The following MAGI2 variants were observed in gnomAD, a reference collection of about 807,000 sequenced individuals.
MAGI2 encodes the protein membrane-associated guanylate kinase, WW and PDZ domain-containing protein 2.
A neutral mutation model predicts 133.3 loss-of-function variants in MAGI2; 35 were observed. The observed-to-expected ratio is 0.26, with a 90% CI of 0.20 to 0.35. The LOEUF (loss-of-function observed/expected upper bound fraction) is 0.35, where lower values mean the gene tolerates loss of function less well. Ranked by LOEUF, MAGI2 falls within the 10% of genes least tolerant of loss-of-function variation. The probability of loss-of-function intolerance (pLI) is 1.00; values close to 1 mark genes in which losing one functional copy is unlikely to be tolerated. For missense variants in MAGI2, 1,636 were observed against 1,863.4 expected (o/e 0.88, Z 2.25); for synonymous variants, 729 against 710.6 (o/e 1.03, Z -0.41).
chr7:79,210,960 T>C (rs528044802), intron 1 of MAGI2, among the ~76,000 whole-genome samples: 1 of 152,118 alleles, frequency 6.6e-6, no homozygotes, highest in East Asian at 1.9e-4. Context: ...TAAGTAACCA[T>C]AAAAATGTTC....
chr7:78,813,102 G>A (rs1402674696), intron 2 of MAGI2, among the ~76,000 whole-genome samples: 3 of 152,106 alleles, frequency 2.0e-5, no homozygotes, highest in African/African-American at 7.2e-5. Flanking sequence ...GTCCCAGATG[G>A]TTTCACGGGC....
intron 6 of MAGI2, among the ~76,000 whole-genome samples, chr7:78,399,425 A>C (rs1006569439): frequency 2.0e-5 from 3 of 152,246 alleles, no homozygotes; most frequent in Non-Finnish European, 2.9e-5. Context: ...GTAGGATTTC[A>C]TCTATAGAAT....
intron 1 of MAGI2, among the ~76,000 whole-genome samples, chr7:79,342,648 C>A (rs1174974149): frequency 6.6e-6 from 1 of 152,082 alleles, no homozygotes; most frequent in Non-Finnish European, 1.5e-5. Context: ...TATTATTTTG[C>A]TTTTCTTAGG....
intron 20 of MAGI2, among the ~76,000 whole-genome samples, chr7:78,114,129 CTAGCTCGT>C (rs1212679243): frequency 2.6e-5 from 4 of 152,204 alleles, no homozygotes; most frequent in Non-Finnish European, 5.9e-5. Context: ...GCTCTTTTTA[CTAGCTCGT>C]TATTTCCTTA....
intron 2 of MAGI2, among the ~76,000 whole-genome samples, chr7:78,879,774 C>T (rs549169625): frequency 6.6e-6 from 1 of 151,824 alleles, no homozygotes; most frequent in African/African-American, 2.4e-5. Context: ...GAATTCAAAG[C>T]ATGTATTGCA....
chr7:78,265,497 A>T (rs1456827799), intron 9 of MAGI2, among the ~76,000 whole-genome samples: 1 of 152,238 alleles, frequency 6.6e-6, no homozygotes, highest in Non-Finnish European at 1.5e-5. Context: ...CAAACATTTT[A>T]TCAGAGGGGT....
intron 2 of MAGI2, among the ~76,000 whole-genome samples, chr7:78,654,891 T>A (rs944694596): frequency 6.6e-6 from 1 of 151,692 alleles, no homozygotes; most frequent in Non-Finnish European, 1.5e-5. Flanking sequence ...AGTGTGCTGA[T>A]TTCAATGTAA....
intron 1 of MAGI2, among the ~76,000 whole-genome samples, chr7:79,125,972 G>A (rs552600178): frequency 6.0e-4 from 91 of 152,318 alleles, no homozygotes; most frequent in Admixed American, 2.9e-3. Context: ...ACTCATATGC[G>A]TAGGCAAAAA....
chr7:78,619,005 T>TAAAA (rs58783152), intron 3 of MAGI2: 2 of 50,422 alleles, frequency 4.0e-5, no homozygotes, highest in South Asian at 1.1e-3. Flanking sequence ...CCAAAATCGC[T>TAAAA]AAAAAAAAAA....
intron 3 of MAGI2, among the ~76,000 whole-genome samples, 175 bp downstream of exon 3, chr7:78,626,945 A>C (rs1808428345): frequency 6.6e-6 from 1 of 151,708 alleles, no homozygotes; most frequent in South Asian, 2.1e-4. Flanking sequence ...GGCATATTAA[A>C]AGTACACTTA....
chr7:78,748,723 G>T (rs1423044530), intron 2 of MAGI2, among the ~76,000 whole-genome samples: 1 of 151,794 alleles, frequency 6.6e-6, no homozygotes, highest in Non-Finnish European at 1.5e-5. Context: ...GACATAGTCT[G>T]GGTTCTGAAT....
At chr7:79,362,864 A>C (rs946212323) in intron 1 of MAGI2, among the ~76,000 whole-genome samples, 1 of 151,928 alleles carries the variant, frequency 6.6e-6, no homozygotes, top group African/African-American at 2.4e-5. Context: ...TGAAAGACTG[A>C]ATGTTTTCTC....
chr7:78,041,979 C>T (rs1030589445), intron 21 of MAGI2, among the ~76,000 whole-genome samples: 64 of 152,168 alleles, frequency 4.2e-4, no homozygotes, highest in Admixed American at 3.1e-3. Context: ...TGCCGCATTG[C>T]GGACTGGCAG....
At chr7:78,977,056 C>G (rs1804321925) in intron 2 of MAGI2, among the ~76,000 whole-genome samples, 3 of 151,560 alleles carry the variant, frequency 2.0e-5, no homozygotes, top group Admixed American at 6.6e-5. Flanking sequence ...TAATTCAAAT[C>G]CCAGCAAGCT....
intron 2 of MAGI2, among the ~76,000 whole-genome samples, chr7:78,699,160 A>G (rs1377969734): frequency 5.9e-5 from 9 of 152,034 alleles, no homozygotes; most frequent in Non-Finnish European, 7.4e-5. Context: ...CCCAGGCTGG[A>G]GTGTAGTGGC....
intron 2 of MAGI2, among the ~76,000 whole-genome samples, chr7:78,792,332 A>T (rs973549406): frequency 3.9e-5 from 6 of 152,232 alleles, no homozygotes; most frequent in Non-Finnish European, 8.8e-5. Context: ...ATAATGTGAA[A>T]ATGCAATTTT....
intron 1 of MAGI2, among the ~76,000 whole-genome samples, chr7:79,039,598 C>A (rs1811434303): frequency 6.6e-6 from 1 of 151,306 alleles, no homozygotes; most frequent in East Asian, 2.0e-4. Context: ...AAAATATGTG[C>A]AAACTATTCA....
chr7:78,955,517 C>T (rs1247854208), intron 2 of MAGI2, among the ~76,000 whole-genome samples: 1 of 151,946 alleles, frequency 6.6e-6, no homozygotes, highest in Non-Finnish European at 1.5e-5. Context: ...AAATAAGACT[C>T]CCTTCTTTGG....
chr7:79,201,344 G>A (rs1428534469), intron 1 of MAGI2, among the ~76,000 whole-genome samples: 1 of 152,006 alleles, frequency 6.6e-6, no homozygotes, highest in African/African-American at 2.4e-5. Flanking sequence ...GAAAGTTTAT[G>A]AGGGTTTTAT....
Sources: gnomAD v4.1 joint callset for allele counts (sites outside exome capture counted in the v4.1 genomes callset) on GRCh38, gnomAD v4.1.1 for gene constraint, MANE v1.5 for transcripts, NCBI Gene and HGNC (gene_info 2026-07-23, HGNC 2026-07-21) for gene names.